Variants in TENM2 observed in about 807,000 individuals in gnomAD.
The protein encoded by TENM2 is teneurin-2.
A neutral mutation model predicts 245.2 loss-of-function variants in TENM2; 52 were observed. That is an observed-to-expected ratio of 0.21 (90% CI 0.17 to 0.27). The LOEUF (loss-of-function observed/expected upper bound fraction) is 0.27. TENM2 is among the 10% of genes least tolerant of loss of function. The probability of loss-of-function intolerance (pLI) is 1.00; values close to 1 mark genes in which losing one functional copy is unlikely to be tolerated. For missense variants in TENM2, 3,046 were observed against 3,666.8 expected (o/e 0.83, Z 4.37); for synonymous variants, 1,363 against 1,438.9 (o/e 0.95, Z 1.19).
chr5:167,266,316 A>G, the TENM2 span, among the ~76,000 whole-genome samples: 25 of 152,184 alleles, frequency 1.6e-4, no homozygotes, highest in African/African-American at 5.5e-4. Context: ...AGGTCATGAA[A>G]TTTTACCTTG....
the TENM2 span, among the ~76,000 whole-genome samples, chr5:167,250,886 A>G: frequency 6.6e-6 from 1 of 152,278 alleles, no homozygotes; most frequent in Middle Eastern, 3.4e-3. Context: ...TATTTCTTTC[A>G]TGAGTCCCAT....
rs185687856 is a variant in TENM2, at chr5:167,714,871, G to A, written c.503-161115G>A. Among the ~76,000 whole-genome samples, 366 of 152,252 alleles carry A rather than the reference G, an allele frequency of 2.4e-3. 1 individual carries two copies. The highest frequency in any genetic ancestry group is 3.7e-3 in the Non-Finnish European group (254 of 68,022). On this transcript the variant is annotated intron_variant, in intron 2 of 28. Coordinates refer to ENST00000518659, the Ensembl canonical transcript of TENM2. ...CCCAGGATTGGTGGGGCCTGGAAACGCATCATAGGTGAGGAAATGGCTTCC... is the reference window on the plus strand; with the variant it reads ...CCCAGGATTGGTGGGGCCTGGAAACACATCATAGGTGAGGAAATGGCTTCC...
intron 2 of TENM2, among the ~76,000 whole-genome samples, chr5:167,869,623 G>C (rs1161357572): frequency 6.6e-6 from 1 of 152,188 alleles, no homozygotes; most frequent in East Asian, 1.9e-4. Context: ...AGTCTAGCTG[G>C]CATTGTTATC....
chr5:167,310,023 G>A (rs1380955595), intron 1 of TENM2, among the ~76,000 whole-genome samples: 1 of 152,158 alleles, frequency 6.6e-6, no homozygotes, highest in Non-Finnish European at 1.5e-5. Context: ...TTCTTTATAA[G>A]TACTTAGCTG....
chr5:167,609,519 C>CAAAAAAAAAAAT (rs1171421408), intron 2 of TENM2, among the ~76,000 whole-genome samples: 30 of 128,968 alleles, frequency 2.3e-4, no homozygotes, highest in African/African-American at 4.9e-4. Flanking sequence ...AAAACAAAAC[C>CAAAAAAAAAAAT]TTACCTAGAA....
chr5:167,795,165 ACTG>A (rs1765231202), intron 2 of TENM2, among the ~76,000 whole-genome samples: 3 of 152,200 alleles, frequency 2.0e-5, no homozygotes, highest in Admixed American at 1.3e-4. Flanking sequence ...TGAATGCCAG[ACTG>A]GAGAATCCTC....
chr5:167,770,607 G>A (rs763762147), intron 2 of TENM2, among the ~76,000 whole-genome samples: 9 of 152,260 alleles, frequency 5.9e-5, no homozygotes, highest in East Asian at 3.9e-4. Context: ...TAACCACCAC[G>A]TTGCACTTCG....
chr5:167,251,875 C>T, the TENM2 span, among the ~76,000 whole-genome samples: 1 of 152,108 alleles, frequency 6.6e-6, no homozygotes, highest in Non-Finnish European at 1.5e-5. Context: ...CTCTCAAAGG[C>T]CTGAAGGATA....
chr5:167,339,040 C>G (rs1001892529), intron 1 of TENM2, among the ~76,000 whole-genome samples: 1 of 152,180 alleles, frequency 6.6e-6, no homozygotes, highest in South Asian at 2.1e-4. Flanking sequence ...GCATTCCACC[C>G]TTGGTCTCCC....
intron 2 of TENM2, among the ~76,000 whole-genome samples, chr5:167,677,088 G>A (rs1030738826): frequency 6.6e-6 from 1 of 152,072 alleles, no homozygotes; most frequent in Non-Finnish European, 1.5e-5. Context: ...GGAGGACAAA[G>A]GAATGTCATC....
At chr5:167,088,317 C>G in the TENM2 span, among the ~76,000 whole-genome samples, 1 of 152,164 alleles carries the variant, frequency 6.6e-6, no homozygotes, top group Non-Finnish European at 1.5e-5. Context: ...CATACAATGT[C>G]TCCAATTCTC....
intron 2 of TENM2, among the ~76,000 whole-genome samples, chr5:167,575,424 A>G (rs1336575132): frequency 2.2e-5 from 3 of 139,046 alleles, no homozygotes; most frequent in African/African-American, 7.5e-5. Context: ...TATTTTATGT[A>G]TTTGTCTGGA....
At chr5:167,743,550 GA>G (rs1434037667) in intron 2 of TENM2, among the ~76,000 whole-genome samples, 1 of 152,076 alleles carries the variant, frequency 6.6e-6, no homozygotes, top group Non-Finnish European at 1.5e-5. Context: ...CCCTGTGTTT[GA>G]AAACCTTCCC....
the TENM2 span, among the ~76,000 whole-genome samples, chr5:167,201,391 T>A: frequency 6.6e-6 from 1 of 152,210 alleles, no homozygotes; most frequent in African/African-American, 2.4e-5. Flanking sequence ...TCATTTTACA[T>A]GCTGAAAATG....
At chr5:168,211,815 CT>C (rs1449476298) in intron 20 of TENM2, 61 bp downstream of exon 22, 18 of 1,112,846 alleles carry the variant, frequency 1.6e-5, no homozygotes, top group Admixed American at 6.1e-5. Flanking sequence ...CTTGTGTTTG[CT>C]TTTTTTGTTT....
At chr5:167,548,189 G>T (rs1335970066) in intron 2 of TENM2, among the ~76,000 whole-genome samples, 1 of 152,200 alleles carries the variant, frequency 6.6e-6, no homozygotes, top group African/African-American at 2.4e-5. Flanking sequence ...CAGATGAAAG[G>T]TGCTTTAGAA....
At chr5:167,828,339 C>G (rs1301891254) in intron 2 of TENM2, among the ~76,000 whole-genome samples, 1 of 152,140 alleles carries the variant, frequency 6.6e-6, no homozygotes, top group African/African-American at 2.4e-5. Flanking sequence ...CTCTCCTTTC[C>G]CCCAACCCCA....
At chr5:168,025,169 CA>C (rs954062926) in intron 5 of TENM2, among the ~76,000 whole-genome samples, 5 of 151,780 alleles carry the variant, frequency 3.3e-5, no homozygotes, top group African/African-American at 9.7e-5. Flanking sequence ...ACATGGTCTT[CA>C]AAAAAAATGT....
intron 13 of TENM2, among the ~76,000 whole-genome samples, chr5:168,188,642 C>T (rs568482882): frequency 6.6e-6 from 1 of 152,206 alleles, no homozygotes; most frequent in Admixed American, 6.5e-5. Flanking sequence ...AGCTCATTTT[C>T]CAGATAGGGA....
Sources: gnomAD v4.1 joint callset for allele counts (sites outside exome capture counted in the v4.1 genomes callset) on GRCh38, gnomAD v4.1.1 for gene constraint, MANE v1.5 for transcripts, NCBI Gene and HGNC (gene_info 2026-07-23, HGNC 2026-07-21) for gene names.